The following RGS6 variants were observed in gnomAD, a reference collection of about 807,000 sequenced individuals.
The protein encoded by RGS6 is regulator of G-protein signaling 6.
RGS6 carries 30 observed loss-of-function variants against 78.5 expected under a neutral mutation model. The ratio of observed to expected loss-of-function variants is 0.38; its 90% confidence interval spans 0.29 to 0.52. RGS6 has a LOEUF of 0.52. Among genes scored for constraint, RGS6 ranks in the 20% least tolerant of loss-of-function variants. RGS6 has a pLI of 0.85. For missense variants in RGS6, 495 were observed against 609.7 expected, an observed-to-expected ratio of 0.81 and a Z score of 1.98; for synonymous variants, 206 against 206.0, an observed-to-expected ratio of 1.00 and a Z score of 0.00.
intron 2 of RGS6, among the ~76,000 whole-genome samples, chr14:71,967,477 G>C (rs182632564): frequency 3.9e-4 from 60 of 152,272 alleles, no homozygotes; most frequent in African/African-American, 1.4e-3. Context: ...TCATCAGTAA[G>C]GGTTGGATTG....
intron 2 of RGS6, among the ~76,000 whole-genome samples, chr14:71,971,459 T>TTTGGG (rs2093800372): frequency 6.6e-6 from 1 of 152,088 alleles, no homozygotes; most frequent in South Asian, 2.1e-4. Context: ...TGTCTACTCA[T>TTTGGG]CCTTTTGGGC....
At chr14:72,515,579 T>G (rs1415348548) in intron 14 of RGS6, 1 of 152,254 alleles carries the variant, frequency 6.6e-6, no homozygotes, top group Non-Finnish European at 1.5e-5. Flanking sequence ...GGCAGGAGAA[T>G]AGCTTGAACC....
intron 3 of RGS6, among the ~76,000 whole-genome samples, chr14:72,386,612 G>C (rs1411561841): frequency 6.6e-6 from 1 of 152,166 alleles, no homozygotes; most frequent in African/African-American, 2.4e-5. Flanking sequence ...GAGTCTGTGA[G>C]CAAAGGGCCA....
intron 2 of RGS6, among the ~76,000 whole-genome samples, chr14:72,093,212 G>C (rs1336949812): frequency 6.6e-6 from 1 of 152,128 alleles, no homozygotes; most frequent in Non-Finnish European, 1.5e-5. Flanking sequence ...TCCCAGGCAT[G>C]TTTTGAAACG....
At chr14:72,032,092 C>T (rs983720260) in intron 2 of RGS6, among the ~76,000 whole-genome samples, 1 of 152,104 alleles carries the variant, frequency 6.6e-6, no homozygotes, top group Non-Finnish European at 1.5e-5. Flanking sequence ...TCTACCAACA[C>T]GCTATAAATT....
chr14:72,245,219 A>G (rs1005425853), intron 2 of RGS6, among the ~76,000 whole-genome samples: 1 of 152,234 alleles, frequency 6.6e-6, no homozygotes, highest in Non-Finnish European at 1.5e-5. Flanking sequence ...TGGCATGGGA[A>G]TCTTCACAGG....
intron 2 of RGS6, among the ~76,000 whole-genome samples, chr14:72,142,457 G>T (rs138950087): frequency 6.6e-6 from 1 of 152,098 alleles, no homozygotes; most frequent in African/African-American, 2.4e-5. Context: ...TCATTGCTTC[G>T]CCAGGCCTGC....
At chr14:72,262,729 TTTCCAAATGACCGAAACTCAA>T (rs1182001772) in intron 2 of RGS6, among the ~76,000 whole-genome samples, 1 of 152,220 alleles carries the variant, frequency 6.6e-6, no homozygotes, top group African/African-American at 2.4e-5. Flanking sequence ...GAAATTTTCT[TTTCCAAATGACCGAAACTCAA>T]CTCAAACTAG....
intron 2 of RGS6, among the ~76,000 whole-genome samples, chr14:72,309,981 T>A (rs921108430): frequency 2.0e-5 from 3 of 152,246 alleles, no homozygotes; most frequent in Non-Finnish European, 4.4e-5. Context: ...TGATATCAAC[T>A]GAGTTTTCAG....
At chr14:72,197,594 T>C (rs2040488608) in intron 2 of RGS6, among the ~76,000 whole-genome samples, 2 of 152,240 alleles carry the variant, frequency 1.3e-5, no homozygotes, top group South Asian at 4.1e-4. Context: ...TATTTAATAG[T>C]ATTTTTAAAA....
At chr14:72,479,208 A>T (rs892345475) in intron 12 of RGS6, among the ~76,000 whole-genome samples, 3 of 152,140 alleles carry the variant, frequency 2.0e-5, no homozygotes, top group South Asian at 2.1e-4. Context: ...GTTGATTCAC[A>T]TCTTTTTTCT....
chr14:72,518,357 G>T lies in RGS6; in HGVS notation c.1098G>T (p.Trp366Cys). 1 of 1,612,988 alleles carries T rather than the reference G, an allele frequency of 6.2e-7. No homozygotes were observed. Among genetic ancestry groups the T allele is most frequent in the Non-Finnish European group, 8.5e-7 (1 of 1,179,168 alleles). The change falls in exon 15 of 18, where the codon TGG becomes TGT. Residue 366 changes from tryptophan (W) to cysteine (C), a missense_variant. Trp to Cys is a radical substitution (Grantham distance 215). Coordinates refer to ENST00000553525, the MANE Select transcript of RGS6 (RefSeq NM_001204424.2). ...SEFSSENLRF[W>C]LAVQDLKKQP... ...GTTTCTGCTCCCACTTCAGGTTCTG[G>T]CTGGCTGTCCAAGATCTTAAGAAAC...
chr14:72,247,409 T>A (rs2054504509), intron 2 of RGS6, among the ~76,000 whole-genome samples: 1 of 152,192 alleles, frequency 6.6e-6, no homozygotes, highest in Non-Finnish European at 1.5e-5. Flanking sequence ...CTCTCATAAC[T>A]TTATGTGATC....
At chr14:72,224,255 C>A (rs2047557945) in intron 2 of RGS6, among the ~76,000 whole-genome samples, 1 of 151,952 alleles carries the variant, frequency 6.6e-6, no homozygotes, top group Non-Finnish European at 1.5e-5. Flanking sequence ...CCCATCTCTA[C>A]AAAAAAGTGC....
intron 2 of RGS6, among the ~76,000 whole-genome samples, chr14:72,163,882 CAA>C (rs35453428): frequency 0.16 from 20,437 of 124,492 alleles, 1,514 homozygotes; most frequent in Admixed American, 0.26. Flanking sequence ...GACTCCATCT[CAA>C]AAAAAAAAAA....
At chr14:72,254,549 C>T (rs953630715) in intron 2 of RGS6, among the ~76,000 whole-genome samples, 1 of 152,062 alleles carries the variant, frequency 6.6e-6, no homozygotes, top group African/African-American at 2.4e-5. Flanking sequence ...AAACAGAGAA[C>T]ATGTTGAACA....
chr14:72,456,354 G>C (rs984043420), intron 4 of RGS6, among the ~76,000 whole-genome samples: 1 of 152,216 alleles, frequency 6.6e-6, no homozygotes, highest in Non-Finnish European at 1.5e-5. Flanking sequence ...GCAGTGGCAC[G>C]AGCATAGCTC....
At chr14:72,407,027 C>T (rs2092991345) in intron 3 of RGS6, among the ~76,000 whole-genome samples, 1 of 152,210 alleles carries the variant, frequency 6.6e-6, no homozygotes, top group African/African-American at 2.4e-5. Context: ...GTAATGAAAA[C>T]TGTATGTACA....
chr14:72,611,799 C>T, the RGS6 span, among the ~76,000 whole-genome samples: 1 of 152,274 alleles, frequency 6.6e-6, no homozygotes, highest in East Asian at 1.9e-4. Flanking sequence ...CCCGACCCCT[C>T]AGCCTCCACA....
Sources: gnomAD v4.1 joint callset for allele counts (sites outside exome capture counted in the v4.1 genomes callset) on GRCh38, gnomAD v4.1.1 for gene constraint, MANE v1.5 for transcripts, NCBI Gene and HGNC (gene_info 2026-07-23, HGNC 2026-07-21) for gene names.